ANK3: variants seen among roughly 807,000 people sequenced by gnomAD.
The protein encoded by ANK3 is ankyrin-3.
Under a neutral mutation model 370.9 loss-of-function variants are expected in ANK3, and 57 were observed. The ratio of observed to expected loss-of-function variants is 0.15; its 90% CI spans 0.12 to 0.19. The LOEUF (loss-of-function observed/expected upper bound fraction) is 0.19. Among genes scored for constraint, ANK3 ranks in the 10% least tolerant of loss-of-function variants. The probability of loss-of-function intolerance (pLI) is 1.00; values close to 1 mark genes in which losing one functional copy is unlikely to be tolerated. For missense variants in ANK3, 4,439 were observed against 5,302.1 expected (o/e 0.84, Z 5.06); for synonymous variants, 1,929 against 1,946.3 (o/e 0.99, Z 0.23).
chr10:60,725,109 T>A lies in ANK3; in HGVS notation c.57+8154A>T, dbSNP rs149618735. On this transcript the variant is annotated intron_variant, in intron 1 of 43. Transcript: ENST00000373827. ...GTAAGTACTCTTACAAAATGTGCAC[T>A]GTGCTGGGCTAATGAATTTTAAACT... Among the ~76,000 whole-genome samples the A allele has an allele frequency of 7.2e-5, 11 of 152,384 alleles. No homozygotes were observed. The East Asian group carries it at 1.7e-3, about 24-fold the overall frequency.
chr10:60,119,940 T>C (rs75233600), intron 25 of ANK3, among the ~76,000 whole-genome samples: 1,988 of 152,202 alleles, frequency 0.013, 27 homozygotes, highest in African/African-American at 0.044. Flanking sequence ...AATGATATTC[T>C]TCACAGAAAT....
intron 2 of ANK3, among the ~76,000 whole-genome samples, chr10:60,491,083 T>C (rs2075487980): frequency 6.6e-6 from 1 of 152,250 alleles, no homozygotes; most frequent in Non-Finnish European, 1.5e-5. Context: ...CATTTGATGT[T>C]CATCTATGTT....
At chr10:60,133,239 T>C (rs760403419) in intron 25 of ANK3, among the ~76,000 whole-genome samples, 15 of 152,218 alleles carry the variant, frequency 9.9e-5, no homozygotes, top group Non-Finnish European at 2.1e-4. Context: ...ATTTACATTG[T>C]TTAAATATTA....
chr10:60,121,898 T>A (rs570067094), intron 25 of ANK3, among the ~76,000 whole-genome samples: 1 of 152,296 alleles, frequency 6.6e-6, no homozygotes, highest in East Asian at 1.9e-4. Context: ...ATATCTCATG[T>A]CACCCATAAA....
chr10:60,513,508 A>C (rs1195544780), intron 2 of ANK3, among the ~76,000 whole-genome samples: 1 of 152,082 alleles, frequency 6.6e-6, no homozygotes, highest in Non-Finnish European at 1.5e-5. Flanking sequence ...CATTGAAGGG[A>C]GTTGAGTCTT....
chr10:60,307,373 C>G (rs1170852297), intron 1 of ANK3, among the ~76,000 whole-genome samples: 1 of 152,100 alleles, frequency 6.6e-6, no homozygotes. Context: ...CAGTCTGTCA[C>G]CCAGGCCAGA....
intron 1 of ANK3, among the ~76,000 whole-genome samples, chr10:60,680,651 C>T (rs546578418): frequency 2.1e-4 from 32 of 152,200 alleles, no homozygotes; most frequent in South Asian, 4.2e-4. Flanking sequence ...TGTTTTTAAA[C>T]GCCAAACCAC....
At chr10:60,085,638 G>A (rs189060735) in intron 30 of ANK3, among the ~76,000 whole-genome samples, 1 of 140,554 alleles carries the variant, frequency 7.1e-6, no homozygotes, top group East Asian at 2.0e-4. Context: ...TTTTTGAGAC[G>A]GAGTCTCGCT....
intron 1 of ANK3, among the ~76,000 whole-genome samples, chr10:60,299,626 G>A (rs1415181274): frequency 6.6e-6 from 1 of 152,124 alleles, no homozygotes; most frequent in Admixed American, 6.6e-5. Flanking sequence ...ATAGCATTAG[G>A]TGAATCCCTC....
intron 28 of ANK3, among the ~76,000 whole-genome samples, chr10:60,100,420 T>C (rs746787669): frequency 6.6e-6 from 1 of 152,072 alleles, no homozygotes; most frequent in African/African-American, 2.4e-5. Context: ...CTTAACACTA[T>C]TGGTCTCATG....
intron 2 of ANK3, among the ~76,000 whole-genome samples, chr10:60,568,052 C>T (rs555681968): frequency 1.4e-4 from 21 of 152,258 alleles, no homozygotes; most frequent in African/African-American, 5.1e-4. Context: ...TGGGTGAAGA[C>T]ACTATGAACA....
intron 2 of ANK3, among the ~76,000 whole-genome samples, chr10:60,418,634 G>C (rs1022621714): frequency 5.3e-5 from 8 of 151,254 alleles, no homozygotes; most frequent in African/African-American, 1.9e-4. Context: ...AGGACTCTCA[G>C]TTAAATCTGA....
intron 8 of ANK3, among the ~76,000 whole-genome samples, chr10:60,228,740 A>G (rs2097201392): frequency 6.6e-6 from 1 of 152,096 alleles, no homozygotes; most frequent in African/African-American, 2.4e-5. Context: ...ACTGATGTAG[A>G]GCTATTTAAA....
chr10:60,435,273 T>C (rs1431966550), intron 2 of ANK3, among the ~76,000 whole-genome samples: 1 of 152,244 alleles, frequency 6.6e-6, no homozygotes, highest in African/African-American at 2.4e-5. Context: ...TGTTTCCTAC[T>C]AATTTGATGT....
At chr10:60,518,139 C>T (rs542068051) in intron 2 of ANK3, among the ~76,000 whole-genome samples, 1 of 71,202 alleles carries the variant, frequency 1.4e-5, no homozygotes, top group Admixed American at 1.4e-4. Context: ...TACTCTAAAG[C>T]CTGGGGCAAG....
intron 43 of ANK3, among the ~76,000 whole-genome samples, chr10:60,032,243 C>A: frequency 8.4e-6 from 1 of 118,648 alleles, no homozygotes; most frequent in South Asian, 2.8e-4. Context: ...ACTCTGTCGC[C>A]CAGGCTGGAA....
At chr10:60,695,215 T>G (rs966073104) in intron 1 of ANK3, among the ~76,000 whole-genome samples, 2 of 152,206 alleles carry the variant, frequency 1.3e-5, no homozygotes, top group South Asian at 2.1e-4. Context: ...CCTAAATATA[T>G]ATGCACCCAA....
intron 8 of ANK3, among the ~76,000 whole-genome samples, chr10:60,220,218 G>T (rs567516932): frequency 2.0e-5 from 3 of 152,022 alleles, no homozygotes; most frequent in South Asian, 2.1e-4. Context: ...GAACTAAAAG[G>T]TCAAAATTGT....
intron 1 of ANK3, among the ~76,000 whole-genome samples, chr10:60,342,979 G>GA (rs1368784839): frequency 6.6e-5 from 10 of 151,974 alleles, no homozygotes; most frequent in Admixed American, 2.6e-4. Context: ...ACTTTGCCAT[G>GA]TTTTTCCTTA....
Sources: allele counts gnomAD v4.1 joint callset (sites outside exome capture counted in the v4.1 genomes callset), GRCh38; gene constraint gnomAD v4.1.1; transcripts MANE v1.5; gene names NCBI Gene and HGNC (gene_info 2026-07-23, HGNC 2026-07-21).